The following SNTG1 variants were observed in gnomAD, a reference collection of about 807,000 sequenced individuals.
SNTG1 encodes the protein syntrophin gamma 1, also known as gamma-1-syntrophin.
In SNTG1, 39 loss-of-function variants were observed where a neutral mutation model predicts 74.7. The observed-to-expected ratio is 0.52, with a 90% CI of 0.40 to 0.68. SNTG1 has a LOEUF of 0.68. Among genes scored for constraint, SNTG1 ranks in the 30% least tolerant of loss-of-function variants. SNTG1 has a pLI of 0.00. For synonymous variants in SNTG1, 254 were observed against 217.1 expected (o/e 1.17, Z -1.49); for missense variants, 685 against 609.5 (o/e 1.12, Z -1.30).
rs1158732952 is a variant in SNTG1, at chr8:50,454,829, T to TAAAAAAAAAAAAAAAAAAAAAAA, written c.363+4122_363+4123insAAAAAAAAAAAAAAAAAAAAAAA. ...TGCACTCCAGCCTGTCAGACAGAGC[T>TAAAAAAAAAAAAAAAAAAAAAAA]AAAAAAAAAAAAAAAAAAAAAAGAA... On this transcript the variant is annotated intron_variant, in intron 8 of 18. Coordinates refer to ENST00000642720, the MANE Select transcript of SNTG1 (RefSeq NM_018967.5). 1.3e-3 allele frequency among the ~76,000 whole-genome samples: 124 copies of TAAAAAAAAAAAAAAAAAAAAAAA among 95,134 alleles called. 2 individuals carry two copies. The highest frequency in any genetic ancestry group is 5.3e-3 in the African/African-American group (122 of 22,998). The allele number at this position is 95,134 out of a possible 152,430, so 62.4% of individuals were successfully genotyped here.
At chr8:50,735,577 A>C (rs2095526333) in intron 17 of SNTG1, among the ~76,000 whole-genome samples, 1 of 152,040 alleles carries the variant, frequency 6.6e-6, no homozygotes, top group Non-Finnish European at 1.5e-5. Flanking sequence ...TAGAGAAAAA[A>C]GAATGAAAAG....
chr8:50,579,827 G>A (rs920475196), intron 12 of SNTG1, among the ~76,000 whole-genome samples: 25 of 152,168 alleles, frequency 1.6e-4, no homozygotes, highest in African/African-American at 6.0e-4. Flanking sequence ...GGGTGTCCAG[G>A]CAGAAGTTTG....
At chr8:50,237,376 G>T (rs534370482) in intron 2 of SNTG1, among the ~76,000 whole-genome samples, 1 of 152,216 alleles carries the variant, frequency 6.6e-6, no homozygotes, top group South Asian at 2.1e-4. Flanking sequence ...ACATCTATCA[G>T]ATGCCGTGTG....
intron 2 of SNTG1, among the ~76,000 whole-genome samples, chr8:50,306,042 C>A (rs746286060): frequency 6.8e-6 from 1 of 147,012 alleles, no homozygotes; most frequent in African/African-American, 2.6e-5. Flanking sequence ...TATCCCTACC[C>A]CCCTCCCACC....
At chr8:50,399,210 A>AGTGTGT (rs5891363) in intron 3 of SNTG1, among the ~76,000 whole-genome samples, 1 of 150,944 alleles carries the variant, frequency 6.6e-6, no homozygotes, top group African/African-American at 2.4e-5. Flanking sequence ...TGTGTTTGTG[A>AGTGTGT]GTGTGTGTGT....
intron 1 of SNTG1, among the ~76,000 whole-genome samples, chr8:49,948,768 T>C (rs181275691): frequency 6.6e-6 from 1 of 152,284 alleles, no homozygotes; most frequent in East Asian, 1.9e-4. Context: ...AAGGATGCAG[T>C]GTCTCTGCTC....
chr8:50,108,206 AAGAT>A (rs1264641840), intron 1 of SNTG1, among the ~76,000 whole-genome samples: 1 of 152,196 alleles, frequency 6.6e-6, no homozygotes, highest in Non-Finnish European at 1.5e-5. Context: ...GCATTGAAGA[AAGAT>A]AGAGCAATTA....
intron 13 of SNTG1, among the ~76,000 whole-genome samples, chr8:50,626,005 G>A (rs1381006379): frequency 6.6e-6 from 1 of 152,102 alleles, no homozygotes; most frequent in Non-Finnish European, 1.5e-5. Flanking sequence ...TACACACATG[G>A]CTTCAAACCG....
At chr8:49,939,577 C>T (rs998723102) in intron 1 of SNTG1, among the ~76,000 whole-genome samples, 4 of 152,186 alleles carry the variant, frequency 2.6e-5, no homozygotes, top group Non-Finnish European at 5.9e-5. Flanking sequence ...ACTACAATTA[C>T]AGGTTTAGGC....
chr8:50,708,940 T>A lies in SNTG1; in HGVS notation c.1246T>A (p.Phe416Ile). 5 of 1,613,884 alleles carry A rather than the reference T, an allele frequency of 3.1e-6. No individual in the cohort carries two copies. Among genetic ancestry groups the A allele is most frequent in the Non-Finnish European group, 4.2e-6 (5 of 1,179,918 alleles). Reference sequence around the variant, plus strand: ...TCATCTAATGGGACTCACAATTGATTTCAGCACAGGATTTATCTGCTTTGA... The same window carrying A: ...TCATCTAATGGGACTCACAATTGATATCAGCACAGGATTTATCTGCTTTGA... ...ESHLMGLTID[F>I]STGFICFDAA... The change falls in exon 17 of 19, where the codon TTC becomes ATC. Residue 416 changes from phenylalanine (F) to isoleucine (I), a missense_variant. Physicochemically the swap from Phe to Ile is conservative, Grantham distance 21. Transcript: ENST00000642720.
chr8:50,709,190 T>C, intron 17 of SNTG1: 1 of 535,914 alleles, frequency 1.9e-6, no homozygotes, highest in South Asian at 2.9e-5. Context: ...ACTATAACTA[T>C]GTGAAAGTAT....
chr8:50,760,190 T>C (rs1450474297), intron 18 of SNTG1, among the ~76,000 whole-genome samples: 1 of 152,148 alleles, frequency 6.6e-6, no homozygotes, highest in Non-Finnish European at 1.5e-5. Flanking sequence ...TTCACATTTA[T>C]TTTGTATCCT....
intron 2 of SNTG1, among the ~76,000 whole-genome samples, chr8:50,326,480 T>G (rs1269789358): frequency 6.6e-6 from 1 of 151,892 alleles, no homozygotes; most frequent in African/African-American, 2.4e-5. Context: ...GGGCAGAGAG[T>G]TGTTATTTTA....
intron 12 of SNTG1, among the ~76,000 whole-genome samples, chr8:50,561,039 C>T (rs1445200634): frequency 1.3e-5 from 2 of 152,128 alleles, no homozygotes; most frequent in East Asian, 3.9e-4. Flanking sequence ...TGTTCTGTGT[C>T]CGCATCCAAA....
chr8:49,934,277 A>G (rs1807846289), intron 1 of SNTG1, among the ~76,000 whole-genome samples: 1 of 136,298 alleles, frequency 7.3e-6, no homozygotes, highest in Non-Finnish European at 1.6e-5. Context: ...TATATACTAT[A>G]TAGATCTATC....
intron 2 of SNTG1, among the ~76,000 whole-genome samples, chr8:50,248,086 G>T (rs1448399303): frequency 6.6e-6 from 1 of 151,992 alleles, no homozygotes; most frequent in African/African-American, 2.4e-5. Context: ...TATTTATAAA[G>T]ACATCTGTCA....
At chr8:50,151,582 T>C (rs905590803) in intron 1 of SNTG1, among the ~76,000 whole-genome samples, 2 of 152,242 alleles carry the variant, frequency 1.3e-5, no homozygotes, top group African/African-American at 4.8e-5. Context: ...CTGGTTTAAA[T>C]GTGTCCCAGA....
intron 1 of SNTG1, among the ~76,000 whole-genome samples, chr8:50,100,037 C>T (rs1005490954): frequency 6.6e-6 from 1 of 151,658 alleles, no homozygotes; most frequent in African/African-American, 2.4e-5. Context: ...AGATGACGGA[C>T]AATGCAAATG....
chr8:50,014,354 A>G (rs1488550408), intron 1 of SNTG1, among the ~76,000 whole-genome samples: 2 of 152,126 alleles, frequency 1.3e-5, no homozygotes, highest in African/African-American at 4.8e-5. Context: ...TACAGAAACA[A>G]TAGAAAACTG....
Sources: allele counts gnomAD v4.1 joint callset (sites outside exome capture counted in the v4.1 genomes callset), GRCh38; gene constraint gnomAD v4.1.1; transcripts MANE v1.5; gene names NCBI Gene and HGNC (gene_info 2026-07-23, HGNC 2026-07-21).